The following PLD6 variants were observed in gnomAD, a reference collection of about 807,000 sequenced individuals.
The protein encoded by PLD6 is phospholipase D family member 6.
Under a neutral mutation model 9.7 loss-of-function variants are expected in PLD6, and 10 were observed. The ratio of observed to expected loss-of-function variants is 1.03; its 90% CI spans 0.64 to 1.75. The LOEUF (loss-of-function observed/expected upper bound fraction) is 1.75. PLD6 is among the 40% of genes most tolerant of loss of function. The probability of loss-of-function intolerance (pLI) is 0.00; values close to 1 mark genes in which losing one functional copy is unlikely to be tolerated. For missense variants in PLD6, 334 were observed against 347.6 expected (o/e 0.96, Z 0.31); for synonymous variants, 152 against 159.2 (o/e 0.96, Z 0.34).
At chr17:17,203,212 C>T in intron 1 of PLD6, 114 bp from the exon 2 acceptor site, 1 of 1,125,726 alleles carries the variant, frequency 8.9e-7, no homozygotes, top group Non-Finnish European at 1.2e-6. Context: ...GCCAGGAAAG[C>T]CCGCCATGCT....
intron 1 of PLD6, among the ~76,000 whole-genome samples, chr17:17,203,804 G>A (rs1303067480): frequency 6.6e-6 from 1 of 152,198 alleles, no homozygotes; most frequent in Non-Finnish European, 1.5e-5. Context: ...AGGCTGCCAT[G>A]GAACACAGTT....
In PLD6 at chr17:17,206,160, A is replaced by C. The variant is rs754472197; in HGVS notation, c.127T>G (p.Phe43Val). The change falls in exon 1 of 2, where the codon TTC becomes GTC. Residue 43 changes from phenylalanine to valine, a missense_variant. Coordinates refer to ENST00000321560, the MANE Select transcript of PLD6 (RefSeq NM_178836.4). Reference sequence around the variant, plus strand: ...GTACAGGTCACCTGAGACGGGAAGAACAGCGCCTCGCGCCGCGGCCGCCGC... The same window carrying C: ...GTACAGGTCACCTGAGACGGGAAGACCAGCGCCTCGCGCCGCGGCCGCCGC... ...RRRRPRREAL[F>V]FPSQVTCTEA... 4 of 1,504,630 alleles carry C rather than the reference A, an allele frequency of 2.7e-6. No individual in the cohort carries two copies. The highest frequency in any genetic ancestry group is 3.5e-6 in the Non-Finnish European group (4 of 1,133,964). 93.2% of individuals were successfully genotyped at this position (1,504,630 alleles called of 1,614,324 possible).
rs1333159755 is a variant in PLD6 at position 17,206,242 on chromosome 17, G to A, written c.45C>T (p.Gly15=). 9 of 1,544,400 alleles carry A rather than the reference G, an allele frequency of 5.8e-6. No individual in the cohort carries two copies. Among genetic ancestry groups the A allele is most frequent in the African/African-American group, 1.4e-5 (1 of 70,384 alleles). ...GCAGCGCCTCCAGAGTCAGAGCCAG[G>A]CCCACAGCCGCCGCGGCCGCCACCT... is the stretch of plus-strand genomic sequence containing the variant. The part of the protein sequence containing the change: ...SWQVAAAAAV[G]LALTLEALPW... The change falls in exon 1 of 2, where the codon GGC becomes GGT. Residue 15 remains glycine, a synonymous_variant. Transcript: ENST00000321560.
intron 1 of PLD6, among the ~76,000 whole-genome samples, chr17:17,203,917 T>TA (rs1396224365): frequency 6.6e-6 from 1 of 152,210 alleles, no homozygotes; most frequent in Admixed American, 6.5e-5. Flanking sequence ...ACTGGGAACA[T>TA]ACCCTAAAAA....
rs768195834 is a variant in PLD6, at chr17:17,205,997, C to G, written c.290G>C (p.Cys97Ser). The G allele has an allele frequency of 3.2e-6, 5 of 1,550,620 alleles. No homozygotes were observed. In the African/African-American group the frequency reaches 6.8e-5, roughly 21 times the overall value. The change falls in exon 1 of 2, where the codon TGC (cysteine) becomes TCC (serine). Residue 97 changes from cysteine (C) to serine (S), a missense_variant. Coordinates refer to ENST00000321560, the MANE Select transcript of PLD6 (RefSeq NM_178836.4). ...CTGCGGGCTGGAGAAGGCGAACAGG[C>G]AGAGATCCAGGCTGGCGCGGGCGGC... ...LLAARASLDL[C>S]LFAFSSPQLG... is the part of the protein sequence containing the mutation.
chr17:17,203,827 G>T (rs76770607), intron 1 of PLD6, among the ~76,000 whole-genome samples: 18 of 152,168 alleles, frequency 1.2e-4, no homozygotes, highest in African/African-American at 4.1e-4. Context: ...CAGATTTTCC[G>T]AATCAAAATA....
intron 1 of PLD6, among the ~76,000 whole-genome samples, chr17:17,205,643 C>G (rs1054759207): frequency 4.5e-4 from 69 of 152,364 alleles, no homozygotes; most frequent in African/African-American, 1.6e-3. Flanking sequence ...CGCGGAGGCA[C>G]CGAGGGTCCG....
intron 1 of PLD6, among the ~76,000 whole-genome samples, chr17:17,204,599 C>A (rs1417316568): frequency 1.3e-5 from 2 of 152,290 alleles, no homozygotes; most frequent in East Asian, 1.9e-4. Flanking sequence ...GGGAGGCCAT[C>A]CCAGAGGGGA....
intron 1 of PLD6, 141 bp from the exon 2 acceptor site, chr17:17,203,239 G>T (rs542678889): frequency 1.2e-6 from 1 of 861,610 alleles, no homozygotes. Flanking sequence ...GAGTGGTGGC[G>T]GCTAAGCTCC....
At chr17:17,205,742 G>C in intron 1 of PLD6, 118 bp downstream of exon 1, 2 of 1,202,676 alleles carry the variant, frequency 1.7e-6, no homozygotes, top group Admixed American at 4.7e-5. Flanking sequence ...AAGGCCACGA[G>C]GAAAGTAAAT....
Position 17,205,921 on chromosome 17 carries a change from G to T in PLD6, c.366C>A (p.Val122=). The T allele has an allele frequency of 6.4e-7, 1 of 1,570,454 alleles. No individual in the cohort carries two copies. Among genetic ancestry groups the T allele is most frequent in the Non-Finnish European group, 8.6e-7 (1 of 1,158,664 alleles). The change falls in exon 1 of 2, where the codon GTC becomes GTA. Residue 122 remains valine (V), a synonymous_variant. Transcript: ENST00000321560. ...LLHQRGVRVR[V]VTDCDYMALN... is the part of the protein sequence containing the mutation. ...GGGCCATGTAGTCGCAGTCGGTGAC[G>T]ACCCGCACTCGCACCCCACGCTGGT...
intron 1 of PLD6, chr17:17,204,336 GC>G (rs2046699641): frequency 6.5e-6 from 1 of 152,706 alleles, no homozygotes; most frequent in Admixed American, 6.5e-5. Flanking sequence ...GAGTGTCACT[GC>G]CCCTGGGCAG....
chr17:17,206,325 G>C lies in PLD6; in HGVS notation c.-39C>G. Reference sequence around the variant, plus strand: ...CGGGACCCACAGCCACGCCGCCGCAGCGGAGTCTGCGCGCCCCCAGCCCTA... The same window carrying C: ...CGGGACCCACAGCCACGCCGCCGCACCGGAGTCTGCGCGCCCCCAGCCCTA... On this transcript the variant is annotated 5_prime_UTR_variant, in exon 1 of 2. Transcript: ENST00000321560. The C allele has an allele frequency of 1.4e-6, 2 of 1,476,408 alleles. No homozygotes were observed. Among genetic ancestry groups the C allele is most frequent in the South Asian group, 1.3e-5 (1 of 76,646 alleles). 91.5% of individuals were successfully genotyped at this position (1,476,408 alleles called of 1,614,324 possible). A position where few individuals can be genotyped will look rare whatever the true frequency, so the allele number is the denominator to read the frequency against.
intron 1 of PLD6, among the ~76,000 whole-genome samples, chr17:17,203,948 T>G (rs1394616008): frequency 6.6e-6 from 1 of 152,182 alleles, no homozygotes; most frequent in Non-Finnish European, 1.5e-5. Context: ...TGCATGGAAC[T>G]CATATTTAAT....
chr17:17,202,953 G>A lies in PLD6; in HGVS notation c.573C>T (p.Asp191=), dbSNP rs371619441. The A allele has an allele frequency of 7.7e-5, 124 of 1,614,034 alleles. No individual in the cohort carries two copies. Among genetic ancestry groups the A allele is most frequent in the Middle Eastern group, 4.9e-4 (3 of 6,084 alleles). Residue 191 remains aspartate (D), a synonymous_variant, in exon 2 of 2, where the codon GAC becomes GAT. Transcript: ENST00000321560. Reference sequence around the variant, plus strand: ...CCAGAAAAAGCCGCACGTACTCGTCGTCCTCCGTGATGAGAACATTCTCCC... The same window carrying A: ...CCAGAAAAAGCCGCACGTACTCGTCATCCTCCGTGATGAGAACATTCTCCC... The part of the protein sequence containing the change: ...NNRENVLITE[D]DEYVRLFLEE...
chr17:17,203,193 G>A (rs966780760), intron 1 of PLD6, 95 bp from the exon 2 acceptor site: 3 of 1,317,990 alleles, frequency 2.3e-6, no homozygotes, highest in African/African-American at 3.0e-5. Context: ...TATGTTTCCA[G>A]TTTGGTGGGC....
Position 17,205,882 on chromosome 17 carries a change from T to A in PLD6, c.405A>T (p.Gln135His), listed in dbSNP as rs550349421. 1 of 1,573,194 alleles carries A rather than the reference T, an allele frequency of 6.4e-7. No homozygotes were observed. The highest frequency in any genetic ancestry group is 1.3e-5 in the African/African-American group (1 of 74,248). ...TACCTGCCTTGCGCAGCAGACCGAT[T>A]TGCGAGCCGTTGAGGGCCATGTAGT... is the stretch of plus-strand genomic sequence containing the variant. ...DCDYMALNGS[Q>H]IGLLRKAGIQ... is the part of the protein sequence containing the mutation. Residue 135 changes from glutamine to histidine, a missense_variant, in exon 1 of 2, where the codon CAA (glutamine) becomes CAT (histidine). Gln to His is a conservative substitution (Grantham distance 24, BLOSUM62 0). Coordinates refer to ENST00000321560, the MANE Select transcript of PLD6 (RefSeq NM_178836.4).
intron 1 of PLD6, among the ~76,000 whole-genome samples, chr17:17,205,584 C>T (rs2144782886): frequency 6.6e-6 from 1 of 152,336 alleles, no homozygotes; most frequent in East Asian, 1.9e-4. Flanking sequence ...CACGCAGGCC[C>T]ACCTGCTTCC....
At chr17:17,205,547 G>A (rs1259697252) in intron 1 of PLD6, among the ~76,000 whole-genome samples, 3 of 152,186 alleles carry the variant, frequency 2.0e-5, no homozygotes, top group East Asian at 1.9e-4. Context: ...AGTTGCTAGG[G>A]GAATCTGCTC....
Sources: allele counts gnomAD v4.1 joint callset (sites outside exome capture counted in the v4.1 genomes callset), GRCh38; gene constraint gnomAD v4.1.1; transcripts MANE v1.5; gene names NCBI Gene and HGNC (gene_info 2026-07-23, HGNC 2026-07-21).